Variants in MLLT10 observed in about 807,000 individuals in gnomAD.
The protein encoded by MLLT10 is protein AF-10.
A neutral mutation model predicts 129.1 loss-of-function variants in MLLT10; 30 were observed. That is an observed-to-expected ratio of 0.23 (90% confidence interval 0.17 to 0.32). The LOEUF is 0.32. Among genes scored for constraint, MLLT10 ranks in the 10% least tolerant of loss-of-function variants. MLLT10 has a pLI of 1.00. For missense variants in MLLT10, 1,119 were observed against 1,268.3 expected, an observed-to-expected ratio of 0.88 and a Z score of 1.79; for synonymous variants, 490 against 446.4, an observed-to-expected ratio of 1.10 and a Z score of -1.23.
chr10:21,564,827 A>G (rs2039344564), intron 3 of MLLT10, among the ~76,000 whole-genome samples: 1 of 150,730 alleles, frequency 6.6e-6, no homozygotes, highest in South Asian at 2.1e-4. Flanking sequence ...TCCATCTCAA[A>G]AAAAAAAAAA....
chr10:21,664,604 A>G (rs1003709248), intron 9 of MLLT10, among the ~76,000 whole-genome samples: 26 of 152,096 alleles, frequency 1.7e-4, no homozygotes, highest in African/African-American at 5.8e-4. Context: ...TTTTATAACA[A>G]TGAATGTGTA....
chr10:21,695,743 A>C (rs1489119631), intron 13 of MLLT10, among the ~76,000 whole-genome samples: 1 of 152,068 alleles, frequency 6.6e-6, no homozygotes, highest in Non-Finnish European at 1.5e-5. Context: ...CCCTTCAGAA[A>C]AGTTTGTGTT....
At position 21,617,104 on chromosome 10, in the gene MLLT10, T is replaced by G. The variant is rs757827679; in HGVS notation, c.604-8T>G. On this transcript the variant is annotated splice_polypyrimidine_tract_variant and splice_region_variant and intron_variant, in intron 7 of 22. Transcript: ENST00000307729. ...TATACATATATGTATATATATTTTC[T>G]TTTTTAGAAAAAGAGCAAACGGGGA... is the stretch of plus-strand genomic sequence containing the variant. 1 of 1,458,236 alleles carries G rather than the reference T, an allele frequency of 6.9e-7. No homozygotes were observed. Among genetic ancestry groups the G allele is most frequent in the Non-Finnish European group, 9.2e-7 (1 of 1,088,442 alleles). 90.3% of individuals were successfully genotyped at this position (1,458,236 alleles called of 1,614,324 possible). A position where few individuals can be genotyped will look rare whatever the true frequency, so the allele number is the denominator to read the frequency against.
chr10:21,571,686 A>C (rs1168962832), intron 3 of MLLT10, among the ~76,000 whole-genome samples: 1 of 152,168 alleles, frequency 6.6e-6, no homozygotes, highest in African/African-American at 2.4e-5. Flanking sequence ...TTACTTTTTC[A>C]TGATAACTGA....
At chr10:21,640,808 C>A (rs758244094) in intron 8 of MLLT10, among the ~76,000 whole-genome samples, 3 of 152,142 alleles carry the variant, frequency 2.0e-5, no homozygotes, top group Non-Finnish European at 4.4e-5. Context: ...ATGAATAATT[C>A]TCAAATTATG....
intron 13 of MLLT10, among the ~76,000 whole-genome samples, chr10:21,685,977 C>T (rs1172664728): frequency 2.0e-5 from 3 of 152,094 alleles, no homozygotes; most frequent in Non-Finnish European, 4.4e-5. Context: ...AATACTAGAG[C>T]AAAACCATCC....
chr10:21,714,753 A>AG (rs1211063780), intron 14 of MLLT10, among the ~76,000 whole-genome samples: 1 of 152,216 alleles, frequency 6.6e-6, no homozygotes, highest in African/African-American at 2.4e-5. Context: ...GCTGGTCTTC[A>AG]ACCCCTGACC....
intron 13 of MLLT10, among the ~76,000 whole-genome samples, chr10:21,690,729 A>T (rs2053771002): frequency 6.6e-6 from 1 of 152,084 alleles, no homozygotes; most frequent in African/African-American, 2.4e-5. Flanking sequence ...ACTATTACAT[A>T]AATCACCAAG....
chr10:21,717,767 C>T (rs1225131686), intron 14 of MLLT10, among the ~76,000 whole-genome samples: 1 of 111,856 alleles, frequency 8.9e-6, no homozygotes, highest in Admixed American at 9.5e-5. Context: ...CCTCCTCCTC[C>T]GCTGCTGCTG....
At chr10:21,546,111 T>C (rs1384500646) in intron 3 of MLLT10, among the ~76,000 whole-genome samples, 1 of 152,216 alleles carries the variant, frequency 6.6e-6, no homozygotes, top group East Asian at 1.9e-4. Context: ...ACAGTCTTGC[T>C]CCATCGCCCA....
chr10:21,684,898 G>C (rs1035449401), intron 13 of MLLT10, among the ~76,000 whole-genome samples: 1 of 152,092 alleles, frequency 6.6e-6, no homozygotes, highest in Non-Finnish European at 1.5e-5. Context: ...CTCTGACGTA[G>C]ACCTTGTTTG....
chr10:21,733,214 G>A, intron 18 of MLLT10, 127 bp downstream of exon 18: 1 of 932,072 alleles, frequency 1.1e-6, no homozygotes, highest in Non-Finnish European at 1.6e-6. Flanking sequence ...GGTTGTTTTT[G>A]AAGGGCATAA....
At chr10:21,556,620 GGATTGTTTT>G (rs773147351) in intron 3 of MLLT10, 1 of 1,581,638 alleles carries the variant, frequency 6.3e-7, no homozygotes, top group Non-Finnish European at 8.6e-7. Context: ...AGTGAATAAG[GGATTGTTTT>G]GATTGCTTTT....
intron 16 of MLLT10, among the ~76,000 whole-genome samples, chr10:21,728,916 C>T (rs1009125573): frequency 2.0e-5 from 3 of 147,744 alleles, no homozygotes; most frequent in Non-Finnish European, 3.0e-5. Flanking sequence ...GATGACAGAT[C>T]ATGAATAACA....
chr10:21,601,935 ATTGGGAGATT>A (rs1300992180), intron 5 of MLLT10, among the ~76,000 whole-genome samples: 2 of 152,132 alleles, frequency 1.3e-5, no homozygotes, highest in Non-Finnish European at 2.9e-5. Context: ...TAAGAAATTG[ATTGGGAGATT>A]TTACAAAAAC....
intron 5 of MLLT10, among the ~76,000 whole-genome samples, chr10:21,607,299 T>C (rs945499268): frequency 1.1e-4 from 16 of 151,984 alleles, no homozygotes; most frequent in South Asian, 2.1e-4. Context: ...GTTAAACTTA[T>C]TGTTTTATGT....
chr10:21,625,602 G>C, intron 8 of MLLT10: 1 of 757,384 alleles, frequency 1.3e-6, no homozygotes, highest in South Asian at 1.4e-5. Context: ...TTGTCATCAG[G>C]TTGATCATAG....
chr10:21,728,852 A>T (rs553253067), intron 16 of MLLT10, among the ~76,000 whole-genome samples: 1 of 148,316 alleles, frequency 6.7e-6, no homozygotes, highest in East Asian at 2.0e-4. Flanking sequence ...ACATGCCAAG[A>T]CTCCATGTCT....
intron 9 of MLLT10, among the ~76,000 whole-genome samples, chr10:21,667,968 G>T (rs540271773): frequency 3.3e-5 from 5 of 152,176 alleles, no homozygotes; most frequent in African/African-American, 1.2e-4. Flanking sequence ...CCTTTTAAAA[G>T]ATTAAGTTGC....
Sources: allele counts gnomAD v4.1 joint callset (sites outside exome capture counted in the v4.1 genomes callset), GRCh38; gene constraint gnomAD v4.1.1; transcripts MANE v1.5; gene names NCBI Gene and HGNC (gene_info 2026-07-23, HGNC 2026-07-21).